AKAP7: variants seen among roughly 807,000 people sequenced by gnomAD.
AKAP7 encodes A-kinase anchoring protein 7, also known as A kinase (PRKA) anchor protein 7.
A neutral mutation model predicts 39.5 loss-of-function variants in AKAP7; 39 were observed. That is an observed-to-expected ratio of 0.99 (90% confidence interval 0.76 to 1.29). The LOEUF (loss-of-function observed/expected upper bound fraction) is 1.29, where lower values mean the gene tolerates loss of function less well. AKAP7 is among the 50% of genes most tolerant of loss of function. The pLI is 0.00. For synonymous variants in AKAP7, 140 were observed against 139.1 expected, an observed-to-expected ratio of 1.01 and a Z score of -0.05; for missense variants, 414 against 407.7, an observed-to-expected ratio of 1.02 and a Z score of -0.13.
At chr6:131,192,909 CT>C (rs1331884568) in intron 5 of AKAP7, among the ~76,000 whole-genome samples, 1 of 152,110 alleles carries the variant, frequency 6.6e-6, no homozygotes, top group Non-Finnish European at 1.5e-5. Flanking sequence ...AGAAATGCTA[CT>C]GACTTTTGTA....
At chr6:131,200,850 A>G (rs1363138107) in intron 6 of AKAP7, 1 of 152,154 alleles carries the variant, frequency 6.6e-6, no homozygotes, top group Non-Finnish European at 1.5e-5. Context: ...TTGCTTTCAA[A>G]TGGATTGTCC....
intron 7 of AKAP7, among the ~76,000 whole-genome samples, chr6:131,224,647 A>T (rs1159619595): frequency 6.7e-6 from 1 of 149,382 alleles, no homozygotes; most frequent in East Asian, 2.0e-4. Flanking sequence ...CTCTTCAGCC[A>T]TCTCTGTTAT....
intron 4 of AKAP7, among the ~76,000 whole-genome samples, chr6:131,165,856 C>T (rs1803430642): frequency 6.6e-6 from 1 of 152,082 alleles, no homozygotes; most frequent in African/African-American, 2.4e-5. Flanking sequence ...ACATTCTTAT[C>T]CGTACTTAGA....
rs1464105384 is a variant in AKAP7, at chr6:131,135,525, CGCCGCTGCTGCCGCTGCCGCG to C, written c.-237_-217del. The C allele has an allele frequency of 4.1e-5, 7 of 169,838 alleles. No homozygotes were observed. The highest frequency in any genetic ancestry group is 8.2e-5 in the Non-Finnish European group (7 of 85,788). The allele number at this position is 169,838 out of a possible 1,614,324, so 10.5% of individuals were successfully genotyped here. A position where few individuals can be genotyped will look rare whatever the true frequency, so the allele number is the denominator to read the frequency against. ...GTGCTGCGGCTGCTGCGGCTGCCGC[CGCCGCTGCTGCCGCTGCCGCG>C]GGGGCTGCGGCTTGGGAAGCTCCGC... On this transcript the variant is annotated 5_prime_UTR_variant, in exon 1 of 8. Transcript: ENST00000431975.
chr6:131,251,568 T>TA (rs3836927), intron 7 of AKAP7, among the ~76,000 whole-genome samples: 68,359 of 150,448 alleles, frequency 0.45, 15,597 homozygotes, highest in Admixed American at 0.52. Context: ...CAGGGACTGT[T>TA]AAAAAAAAAA....
intron 7 of AKAP7, chr6:131,253,079 G>T: frequency 6.2e-7 from 1 of 1,613,626 alleles, no homozygotes; most frequent in Non-Finnish European, 8.5e-7. Flanking sequence ...CAGAGATACA[G>T]CAAGGATATA....
At chr6:131,204,666 C>A (rs1807919585) in intron 6 of AKAP7, among the ~76,000 whole-genome samples, 2 of 152,030 alleles carry the variant, frequency 1.3e-5, no homozygotes, top group Admixed American at 6.6e-5. Context: ...AATGGTGGGA[C>A]CTTGGTGAGT....
the AKAP7 span, among the ~76,000 whole-genome samples, chr6:131,129,332 A>C: frequency 4.9e-4 from 74 of 152,062 alleles, no homozygotes; most frequent in Non-Finnish European, 8.4e-4. Context: ...AAAATATAGA[A>C]GAATGCTTAA....
chr6:131,251,270 G>T lies in AKAP7; in HGVS notation c.851-30260G>T, dbSNP rs145403820. Among the ~76,000 whole-genome samples, 17 of 152,266 alleles carry T rather than the reference G, an allele frequency of 1.1e-4. No individual in the cohort carries two copies. In the East Asian group the frequency reaches 3.1e-3, roughly 28 times the overall value. On this transcript the variant is annotated intron_variant, in intron 7 of 7. Coordinates refer to ENST00000431975, the MANE Select transcript of AKAP7 (RefSeq NM_016377.4). ...TTGCACTGAATTTTGTTCTTCACTG[G>T]CTTATGTATATTCACTTACATTTTA... is the stretch of plus-strand genomic sequence containing the variant.
At chr6:131,270,858 A>G (rs967805811) in intron 7 of AKAP7, among the ~76,000 whole-genome samples, 7 of 152,086 alleles carry the variant, frequency 4.6e-5, no homozygotes, top group Non-Finnish European at 1.0e-4. Context: ...TTTATCGACC[A>G]TCTGTATATC....
upstream of AKAP7, among the ~76,000 whole-genome samples, chr6:131,134,233 A>G (rs1014264933): frequency 1.3e-5 from 2 of 152,118 alleles, no homozygotes; most frequent in Non-Finnish European, 2.9e-5. Flanking sequence ...TGACCTCCCA[A>G]AGTGTTGGGG....
At chr6:131,235,806 T>G (rs950746762) in intron 7 of AKAP7, among the ~76,000 whole-genome samples, 1 of 152,230 alleles carries the variant, frequency 6.6e-6, no homozygotes, top group African/African-American at 2.4e-5. Context: ...ATTCTGGATA[T>G]TAGCCCTTTG....
intron 4 of AKAP7, among the ~76,000 whole-genome samples, chr6:131,166,360 G>A (rs1803493146): frequency 6.6e-6 from 1 of 150,894 alleles, no homozygotes; most frequent in Non-Finnish European, 1.5e-5. Flanking sequence ...GAAGGGAGTA[G>A]TGCTCTGTGT....
chr6:131,179,868 C>CAAAT lies in AKAP7; in HGVS notation c.589+10622_589+10625dup, dbSNP rs146955140. Among the ~76,000 whole-genome samples, 793 of 149,412 alleles carry CAAAT rather than the reference C, an allele frequency of 5.3e-3. 7 individuals carry two copies. Among genetic ancestry groups the CAAAT allele is most frequent in the Admixed American group, 0.029 (433 of 15,008 alleles). On this transcript the variant is annotated intron_variant, in intron 5 of 7. Coordinates refer to ENST00000431975, the MANE Select transcript of AKAP7 (RefSeq NM_016377.4). ...TGGGTGACAGAAAAAGACCCTGTCT[C>CAAAT]AAATAAATAAATAAATAAATAAATA...
chr6:131,186,355 T>C (rs1585041261), intron 5 of AKAP7, among the ~76,000 whole-genome samples: 1 of 152,186 alleles, frequency 6.6e-6, no homozygotes, highest in Non-Finnish European at 1.5e-5. Context: ...ATGCTGGCAT[T>C]ATGCTTCCTG....
chr6:131,216,562 C>T (rs571764012), intron 6 of AKAP7, among the ~76,000 whole-genome samples: 1 of 152,248 alleles, frequency 6.6e-6, no homozygotes, highest in African/African-American at 2.4e-5. Flanking sequence ...ATTTGAACAT[C>T]GCTGATAATT....
At chr6:131,152,116 A>G (rs1055408954) in intron 2 of AKAP7, among the ~76,000 whole-genome samples, 1 of 152,248 alleles carries the variant, frequency 6.6e-6, no homozygotes, top group Non-Finnish European at 1.5e-5. Flanking sequence ...ACTACACATT[A>G]AAATGGCTAC....
At chr6:131,231,115 A>T (rs1212016593) in intron 7 of AKAP7, among the ~76,000 whole-genome samples, 1 of 152,172 alleles carries the variant, frequency 6.6e-6, no homozygotes, top group Non-Finnish European at 1.5e-5. Flanking sequence ...TCATAAATTA[A>T]TTTTGATGGC....
intron 5 of AKAP7, among the ~76,000 whole-genome samples, chr6:131,192,725 T>G (rs1041757862): frequency 6.6e-6 from 1 of 152,240 alleles, no homozygotes. Context: ...ACATGGAATA[T>G]CTTTACATTT....
Sources: allele counts gnomAD v4.1 joint callset (sites outside exome capture counted in the v4.1 genomes callset), GRCh38; gene constraint gnomAD v4.1.1; transcripts MANE v1.5; gene names NCBI Gene and HGNC (gene_info 2026-07-23, HGNC 2026-07-21).